Variants in SPECC1L observed in about 807,000 individuals in gnomAD.
SPECC1L encodes the protein cytospin-A.
In SPECC1L, 40 loss-of-function variants were observed where a neutral mutation model predicts 116.8. The ratio of observed to expected loss-of-function variants is 0.34; its 90% CI spans 0.27 to 0.45. The LOEUF (loss-of-function observed/expected upper bound fraction) is 0.45. SPECC1L is among the 20% of genes least tolerant of loss of function. SPECC1L has a pLI of 1.00. For missense variants in SPECC1L, 1,110 were observed against 1,373.6 expected (o/e 0.81, Z 3.03); for synonymous variants, 504 against 500.6 (o/e 1.01, Z -0.09).
Position 24,275,824 on chromosome 22 carries a change from T to C in SPECC1L, c.-141-876T>C, listed in dbSNP as rs559532382. On this transcript the variant is annotated intron_variant, in intron 1 of 16. Transcript: ENST00000314328. ...CCTGGGTTCAAGGGTTCCTCTTGCCTTAGTCTTCTCACTAGCTGAGACTGC... is the reference window on the plus strand; with the variant it reads ...CCTGGGTTCAAGGGTTCCTCTTGCCCTAGTCTTCTCACTAGCTGAGACTGC... Among the ~76,000 whole-genome samples, 298 of 152,258 alleles carry C rather than the reference T, an allele frequency of 2.0e-3. 1 individual carries two copies. The highest frequency in any genetic ancestry group is 5.2e-3 in the Admixed American group (79 of 15,292).
In SPECC1L at chr22:24,319,024, T is replaced by C. The variant is rs575204536; in HGVS notation, c.308-2264T>C. Among the ~76,000 whole-genome samples, 5 of 152,312 alleles carry C rather than the reference T, an allele frequency of 3.3e-5. No individual in the cohort carries two copies. The South Asian group carries it at 1.0e-3, about 32-fold the overall frequency. ...CCTTTGATATCTGTCACAGATTTCT[T>C]GCCTCTTCTCTGTTCTTACTGCCGC... On this transcript the variant is annotated intron_variant, in intron 4 of 16. Coordinates refer to ENST00000314328, the MANE Select transcript of SPECC1L (RefSeq NM_015330.6).
intron 11 of SPECC1L, among the ~76,000 whole-genome samples, chr22:24,360,123 A>G (rs1056664648): frequency 1.2e-4 from 18 of 152,356 alleles, no homozygotes; most frequent in African/African-American, 4.3e-4. Context: ...ATGGCAATAG[A>G]ATAGAATCTG....
At chr22:24,407,468 G>A (rs533358589) in intron 14 of SPECC1L, among the ~76,000 whole-genome samples, 4 of 152,186 alleles carry the variant, frequency 2.6e-5, no homozygotes, top group African/African-American at 7.2e-5. Flanking sequence ...GCCTCGAGGC[G>A]CTGTGCAGTG....
At chr22:24,298,307 A>G (rs1417734957) in intron 2 of SPECC1L, among the ~76,000 whole-genome samples, 1 of 152,210 alleles carries the variant, frequency 6.6e-6, no homozygotes, top group African/African-American at 2.4e-5. Flanking sequence ...TCAACTTACG[A>G]TATTTTTATT....
intron 11 of SPECC1L, among the ~76,000 whole-genome samples, chr22:24,347,520 C>T (rs2041322028): frequency 6.6e-6 from 1 of 152,134 alleles, no homozygotes; most frequent in Non-Finnish European, 1.5e-5. Flanking sequence ...TTCAGGTTAA[C>T]ACAGTTAGTT....
intron 4 of SPECC1L, among the ~76,000 whole-genome samples, chr22:24,320,842 T>C (rs1347543969): frequency 6.6e-6 from 1 of 152,200 alleles, no homozygotes; most frequent in Non-Finnish European, 1.5e-5. Context: ...TTTTCCCTTC[T>C]TGCCCACCTA....
At chr22:24,372,186 C>T (rs182108270) in intron 14 of SPECC1L, among the ~76,000 whole-genome samples, 13 of 152,204 alleles carry the variant, frequency 8.5e-5, no homozygotes, top group Admixed American at 3.3e-4. Context: ...GATTCACGGC[C>T]GAATTCTACC....
intron 14 of SPECC1L, among the ~76,000 whole-genome samples, chr22:24,376,217 G>T (rs995327155): frequency 6.6e-6 from 1 of 152,098 alleles, no homozygotes; most frequent in African/African-American, 2.4e-5. Context: ...AAGAGATAGG[G>T]TCTCACTATG....
intron 14 of SPECC1L, among the ~76,000 whole-genome samples, chr22:24,379,462 C>T (rs1401159361): frequency 1.3e-5 from 2 of 152,022 alleles, no homozygotes. Context: ...GGAGATAATT[C>T]AAACATTAAG....
At chr22:24,282,743 T>A (rs1366786743) in intron 2 of SPECC1L, among the ~76,000 whole-genome samples, 1 of 152,128 alleles carries the variant, frequency 6.6e-6, no homozygotes, top group Non-Finnish European at 1.5e-5. Context: ...TTTTCTGTTT[T>A]AGTTTACAAT....
chr22:24,321,066 CAA>C (rs2040711442), intron 4 of SPECC1L, among the ~76,000 whole-genome samples: 1 of 152,142 alleles, frequency 6.6e-6, no homozygotes, highest in Admixed American at 6.5e-5. Flanking sequence ...ACATGTAAAA[CAA>C]AGTGTATAAC....
intron 14 of SPECC1L, among the ~76,000 whole-genome samples, chr22:24,388,413 A>T (rs1175938375): frequency 6.6e-6 from 1 of 150,936 alleles, no homozygotes; most frequent in Non-Finnish European, 1.5e-5. Flanking sequence ...AAGGACATGA[A>T]CTCATCATTT....
chr22:24,368,938 C>T (rs966915253), intron 13 of SPECC1L, among the ~76,000 whole-genome samples: 2 of 152,224 alleles, frequency 1.3e-5, no homozygotes, highest in Non-Finnish European at 2.9e-5. Flanking sequence ...TGAGCCACAG[C>T]GCCCGGCACA....
At chr22:24,306,231 G>T (rs2049493781) in intron 3 of SPECC1L, among the ~76,000 whole-genome samples, 1 of 151,892 alleles carries the variant, frequency 6.6e-6, no homozygotes, top group South Asian at 2.1e-4. Context: ...TATGTGCTCA[G>T]TGGACATTTA....
intron 14 of SPECC1L, among the ~76,000 whole-genome samples, chr22:24,406,421 C>G (rs2042591793): frequency 6.6e-6 from 1 of 152,324 alleles, no homozygotes; most frequent in East Asian, 1.9e-4. Context: ...CACTGTCATT[C>G]TCACAGTCAT....
chr22:24,317,184 G>A (rs1200312523), intron 4 of SPECC1L, among the ~76,000 whole-genome samples: 1 of 92,918 alleles, frequency 1.1e-5, no homozygotes, highest in African/African-American at 4.2e-5. Context: ...GGGCAGAGGG[G>A]CTCCTCACTT....
At chr22:24,411,784 C>A (rs2042703854) in intron 15 of SPECC1L, 80 bp downstream of exon 15, 7 of 1,161,496 alleles carry the variant, frequency 6.0e-6, no homozygotes, top group Middle Eastern at 5.6e-4. Flanking sequence ...CCTGCCTCAG[C>A]AGGTCACATG....
chr22:24,281,019 A>G (rs2048932647), intron 2 of SPECC1L, among the ~76,000 whole-genome samples: 1 of 152,208 alleles, frequency 6.6e-6, no homozygotes, highest in South Asian at 2.1e-4. Flanking sequence ...GTTACAGAGG[A>G]ACAGGAAGCA....
chr22:24,305,636 T>C (rs2049478423), intron 3 of SPECC1L, among the ~76,000 whole-genome samples: 1 of 152,222 alleles, frequency 6.6e-6, no homozygotes, highest in Non-Finnish European at 1.5e-5. Context: ...TTATGAACAT[T>C]CTTATATGTG....
Sources: allele counts gnomAD v4.1 joint callset (sites outside exome capture counted in the v4.1 genomes callset), GRCh38; gene constraint gnomAD v4.1.1; transcripts MANE v1.5; gene names NCBI Gene and HGNC (gene_info 2026-07-23, HGNC 2026-07-21).